ROBO1: variants seen among roughly 807,000 people sequenced by gnomAD.
ROBO1 encodes the protein roundabout homolog 1.
ROBO1 carries 149 observed loss-of-function variants against 195.9 expected under a neutral mutation model. The ratio of observed to expected loss-of-function variants is 0.76; its 90% confidence interval spans 0.67 to 0.87. The LOEUF is 0.87. Among genes scored for constraint, ROBO1 ranks in the 40% least tolerant of loss-of-function variants. The pLI is 0.00. For missense variants in ROBO1, 1,933 were observed against 2,068.3 expected (o/e 0.93, Z 1.27); for synonymous variants, 816 against 733.2 (o/e 1.11, Z -1.82).
At chr3:79,020,258 A>T (rs542438570) in intron 3 of ROBO1, among the ~76,000 whole-genome samples, 3 of 152,226 alleles carry the variant, frequency 2.0e-5, no homozygotes, top group Admixed American at 2.0e-4. Context: ...TAGCTCTGTG[A>T]CCAGGTCTGT....
At chr3:79,764,337 G>A (rs1704869538) in intron 1 of ROBO1, among the ~76,000 whole-genome samples, 2 of 152,194 alleles carry the variant, frequency 1.3e-5, no homozygotes, top group Admixed American at 6.5e-5. Context: ...AGCAAGTTTA[G>A]AGAGATAAAT....
intron 2 of ROBO1, among the ~76,000 whole-genome samples, chr3:79,318,905 G>T (rs565729303): frequency 5.9e-5 from 9 of 152,110 alleles, no homozygotes; most frequent in Non-Finnish European, 2.9e-5. Context: ...AGAGTAAAAA[G>T]AAATAGGTAA....
intron 5 of ROBO1, among the ~76,000 whole-genome samples, chr3:78,725,135 C>T (rs188881201): frequency 1.3e-5 from 2 of 152,210 alleles, no homozygotes; most frequent in African/African-American, 2.4e-5. Flanking sequence ...TACCATATAC[C>T]TTACCAGCCC....
At chr3:78,873,092 C>G (rs1168004022) in intron 4 of ROBO1, among the ~76,000 whole-genome samples, 2 of 152,124 alleles carry the variant, frequency 1.3e-5, no homozygotes, top group Non-Finnish European at 2.9e-5. Context: ...ATCCCATATT[C>G]TATTTTATTT....
chr3:79,310,703 A>G (rs1187490075), intron 2 of ROBO1, among the ~76,000 whole-genome samples: 3 of 152,198 alleles, frequency 2.0e-5, no homozygotes, highest in Admixed American at 2.0e-4. Flanking sequence ...ATCATTACAC[A>G]TTGCATATAT....
chr3:79,067,216 T>C (rs914021303), intron 3 of ROBO1, among the ~76,000 whole-genome samples: 5 of 151,956 alleles, frequency 3.3e-5, no homozygotes, highest in African/African-American at 1.2e-4. Flanking sequence ...ATAATACTTA[T>C]GTAAAAAAAG....
rs200519057 is a variant in ROBO1, at chr3:79,509,244, TA to T, written c.88+80579del. On this transcript the variant is annotated intron_variant, in intron 2 of 30. Coordinates refer to ENST00000464233, the MANE Select transcript of ROBO1 (RefSeq NM_002941.4). The stretch of plus-strand genomic sequence containing the variant: ...GGGATTATAGCTGGTTCTACTTTAT[TA>T]TTTTTTTTTTCTGGAAGGCAGCCAA... Among the ~76,000 whole-genome samples, 94 of 151,802 alleles carry T rather than the reference TA, an allele frequency of 6.2e-4. No individual in the cohort carries two copies. The South Asian group carries it at 8.9e-3, about 14-fold the overall frequency.
At chr3:78,625,180 G>A (rs952279692) in intron 26 of ROBO1, among the ~76,000 whole-genome samples, 2 of 152,146 alleles carry the variant, frequency 1.3e-5, no homozygotes, top group Non-Finnish European at 2.9e-5. Context: ...AGGGATGGAG[G>A]GCCTGCCCTA....
intron 2 of ROBO1, among the ~76,000 whole-genome samples, chr3:79,421,391 A>G (rs1430493707): frequency 1.3e-5 from 2 of 152,048 alleles, no homozygotes; most frequent in South Asian, 2.1e-4. Context: ...AAAAAAAAAA[A>G]AGAGAGACCT....
intron 3 of ROBO1, among the ~76,000 whole-genome samples, chr3:79,121,202 A>G (rs2080109728): frequency 6.6e-6 from 1 of 152,112 alleles, no homozygotes; most frequent in Non-Finnish European, 1.5e-5. Flanking sequence ...AATAATGAAC[A>G]CTGGTTATTA....
In ROBO1 at chr3:79,362,868, G is replaced by C. The variant is rs1239044955; in HGVS notation, c.88+226956C>G. Among the ~76,000 whole-genome samples the C allele has an allele frequency of 2.0e-5, 3 of 152,116 alleles. No homozygotes were observed. In the East Asian group the frequency reaches 5.8e-4, roughly 29 times the overall value. ...CAACTCAAATGCTGGGATGATAAAAGAGTTCTTCATAGCCCGGGAGATAAG... is the reference window on the plus strand; with the variant it reads ...CAACTCAAATGCTGGGATGATAAAACAGTTCTTCATAGCCCGGGAGATAAG... On this transcript the variant is annotated intron_variant, in intron 2 of 30. Coordinates refer to ENST00000464233, the MANE Select transcript of ROBO1 (RefSeq NM_002941.4).
At chr3:79,198,233 T>A (rs2081681781) in intron 2 of ROBO1, among the ~76,000 whole-genome samples, 1 of 152,128 alleles carries the variant, frequency 6.6e-6, no homozygotes, top group Non-Finnish European at 1.5e-5. Context: ...AAGGAAGGGA[T>A]CCAGTTTCAG....
At chr3:79,499,908 G>C (rs897298296) in intron 2 of ROBO1, among the ~76,000 whole-genome samples, 2 of 152,024 alleles carry the variant, frequency 1.3e-5, no homozygotes, top group African/African-American at 4.8e-5. Context: ...CCTGGTTCAA[G>C]CAATTCTCAT....
intron 2 of ROBO1, among the ~76,000 whole-genome samples, chr3:79,417,512 T>C (rs541967464): frequency 1.3e-5 from 2 of 152,262 alleles, no homozygotes; most frequent in Admixed American, 6.6e-5. Context: ...ATAATAGATA[T>C]TTGTTGTTTA....
chr3:79,719,163 G>T (rs1423954674), intron 1 of ROBO1, among the ~76,000 whole-genome samples: 2 of 151,684 alleles, frequency 1.3e-5, no homozygotes, highest in Non-Finnish European at 2.9e-5. Context: ...AGTCGAAAAT[G>T]AACTAGTTGG....
At chr3:78,884,330 G>A (rs1429339880) in intron 4 of ROBO1, among the ~76,000 whole-genome samples, 1 of 152,108 alleles carries the variant, frequency 6.6e-6, no homozygotes, top group Non-Finnish European at 1.5e-5. Context: ...CAATAGTCCA[G>A]GCTGGGTGTG....
chr3:79,259,545 T>C (rs528758507), intron 2 of ROBO1, among the ~76,000 whole-genome samples: 3 of 152,202 alleles, frequency 2.0e-5, no homozygotes, highest in East Asian at 3.9e-4. Context: ...CTTTCTATTT[T>C]TTTGTGCCCA....
chr3:78,653,130 C>T (rs1250375192), intron 18 of ROBO1, among the ~76,000 whole-genome samples: 1 of 152,006 alleles, frequency 6.6e-6, no homozygotes, highest in Non-Finnish European at 1.5e-5. Context: ...TTCATTTGGC[C>T]TCAGCATTGA....
At chr3:79,716,338 A>G (rs541294756) in intron 1 of ROBO1, among the ~76,000 whole-genome samples, 1 of 152,064 alleles carries the variant, frequency 6.6e-6, no homozygotes, top group East Asian at 1.9e-4. Flanking sequence ...ATGCATTATG[A>G]AATACTACAT....
Sources: allele counts gnomAD v4.1 joint callset (sites outside exome capture counted in the v4.1 genomes callset), GRCh38; gene constraint gnomAD v4.1.1; transcripts MANE v1.5; gene names NCBI Gene and HGNC (gene_info 2026-07-23, HGNC 2026-07-21).